Variants in SHQ1 observed in about 807,000 individuals in gnomAD.
SHQ1 encodes protein SHQ1 homolog.
A neutral mutation model predicts 53.8 loss-of-function variants in SHQ1; 49 were observed. That is an observed-to-expected ratio of 0.91 (90% CI 0.72 to 1.16). The LOEUF (loss-of-function observed/expected upper bound fraction) is 1.16. Among genes scored for constraint, SHQ1 ranks in the 50% most tolerant of loss-of-function variants. The probability of loss-of-function intolerance (pLI) is 0.00; values close to 1 mark genes in which losing one functional copy is unlikely to be tolerated. For missense variants in SHQ1, 738 were observed against 683.1 expected, an observed-to-expected ratio of 1.08 and a Z score of -0.90; for synonymous variants, 243 against 251.0, an observed-to-expected ratio of 0.97 and a Z score of 0.30.
chr3:72,739,017 G>A, the SHQ1 span, among the ~76,000 whole-genome samples: 6 of 152,220 alleles, frequency 3.9e-5, no homozygotes, highest in Admixed American at 3.3e-4. Context: ...ATTGGTGGAC[G>A]ATGCCGCGGA....
chr3:72,821,260 T>TAAA (rs1707469262), intron 6 of SHQ1, among the ~76,000 whole-genome samples: 1 of 152,204 alleles, frequency 6.6e-6, no homozygotes, highest in Non-Finnish European at 1.5e-5. Context: ...GCTAGGAAGT[T>TAAA]CATTGACTAT....
chr3:72,729,286 A>C, the SHQ1 span, among the ~76,000 whole-genome samples: 4 of 152,206 alleles, frequency 2.6e-5, no homozygotes, highest in African/African-American at 9.6e-5. Context: ...CGTGAGTCAC[A>C]GGCCTCCGAA....
chr3:72,820,505 A>T (rs888726685), intron 6 of SHQ1, among the ~76,000 whole-genome samples: 1 of 152,242 alleles, frequency 6.6e-6, no homozygotes, highest in African/African-American at 2.4e-5. Flanking sequence ...TAGAGAAACC[A>T]AAAGTCTGAG....
At chr3:72,725,567 T>C in the SHQ1 span, among the ~76,000 whole-genome samples, 1 of 152,184 alleles carries the variant, frequency 6.6e-6, no homozygotes, top group African/African-American at 2.4e-5. Context: ...TTCTTCACCA[T>C]CTTTATCACT....
At chr3:72,767,214 T>A (rs1289225249) in intron 10 of SHQ1, among the ~76,000 whole-genome samples, 2 of 152,186 alleles carry the variant, frequency 1.3e-5, no homozygotes, top group African/African-American at 4.8e-5. Context: ...CATAAGCAGG[T>A]TGAATTCTCC....
rs116980259 is a variant in SHQ1, at chr3:72,754,260, C to T, written c.1182-3424G>A. Among the ~76,000 whole-genome samples the T allele has an allele frequency of 1.1e-3, 160 of 152,264 alleles. 1 individual carries two copies. In the East Asian group the frequency reaches 0.011, roughly 10 times the overall value. The stretch of plus-strand genomic sequence containing the variant: ...AGGAGAGCCGCTGAGGTTCACTCAG[C>T]CAACAAGGGGCGGTCACGACTGGAA... On this transcript the variant is annotated intron_variant, in intron 10 of 10. Transcript: ENST00000325599.
the SHQ1 span, among the ~76,000 whole-genome samples, chr3:72,741,505 G>C: frequency 6.6e-6 from 1 of 152,016 alleles, no homozygotes; most frequent in Non-Finnish European, 1.5e-5. Context: ...AGAATTGCTT[G>C]AACCCAGGAG....
the SHQ1 span, among the ~76,000 whole-genome samples, chr3:72,734,355 C>A: frequency 6.6e-6 from 1 of 151,038 alleles, no homozygotes; most frequent in African/African-American, 2.4e-5. Flanking sequence ...CTCCCAGGTT[C>A]GGTGATTCTC....
intron 1 of SHQ1, chr3:72,846,227 C>T: frequency 6.5e-7 from 1 of 1,535,552 alleles, no homozygotes; most frequent in Non-Finnish European, 8.7e-7. Context: ...GGGGCCTCCG[C>T]AGCTACAGTC....
At chr3:72,808,504 G>A (rs1049157746) in intron 9 of SHQ1, among the ~76,000 whole-genome samples, 11 of 152,000 alleles carry the variant, frequency 7.2e-5, no homozygotes, top group Admixed American at 2.0e-4. Context: ...TCACTTCTTT[G>A]AGCCTGTCTT....
At chr3:72,747,118 T>C (rs1705272137), downstream of SHQ1, among the ~76,000 whole-genome samples, 1 of 152,234 alleles carries the variant, frequency 6.6e-6, no homozygotes, top group South Asian at 2.1e-4. Flanking sequence ...TTCTTGAAAT[T>C]AATGATGCTA....
chr3:72,822,907 T>A (rs886076135), intron 6 of SHQ1, among the ~76,000 whole-genome samples: 4 of 152,132 alleles, frequency 2.6e-5, no homozygotes, highest in Non-Finnish European at 5.9e-5. Context: ...CCCAGCACTT[T>A]GGGAGGCCGA....
At chr3:72,728,389 G>A in the SHQ1 span, among the ~76,000 whole-genome samples, 8 of 152,298 alleles carry the variant, frequency 5.3e-5, no homozygotes, top group African/African-American at 1.9e-4. Flanking sequence ...AGCCTCACCT[G>A]ACTCCTCTGA....
intron 9 of SHQ1, among the ~76,000 whole-genome samples, chr3:72,800,581 G>T (rs1221582059): frequency 1.3e-5 from 2 of 152,194 alleles, no homozygotes; most frequent in Non-Finnish European, 2.9e-5. Context: ...TGACAGGAAA[G>T]GACATGACTT....
At chr3:72,791,825 T>C (rs1706448856) in intron 10 of SHQ1, among the ~76,000 whole-genome samples, 2 of 152,102 alleles carry the variant, frequency 1.3e-5, no homozygotes, top group African/African-American at 2.4e-5. Flanking sequence ...GTGCTGGGAT[T>C]ACAGGCATGA....
intron 1 of SHQ1, among the ~76,000 whole-genome samples, chr3:72,846,529 C>T (rs962331876): frequency 6.6e-6 from 1 of 152,082 alleles, no homozygotes; most frequent in Non-Finnish European, 1.5e-5. Context: ...AACTCCTGAC[C>T]TCAAGTGATC....
At chr3:72,775,369 A>G (rs1252635980) in intron 10 of SHQ1, among the ~76,000 whole-genome samples, 2 of 152,006 alleles carry the variant, frequency 1.3e-5, no homozygotes, top group African/African-American at 2.4e-5. Flanking sequence ...ACTGACTCAG[A>G]GAAATAAAGA....
chr3:72,787,959 G>A (rs1016114040), intron 10 of SHQ1, among the ~76,000 whole-genome samples: 5 of 152,224 alleles, frequency 3.3e-5, no homozygotes, highest in African/African-American at 1.2e-4. Context: ...CGAGTGATCT[G>A]CCAGCCTCAG....
downstream of SHQ1, among the ~76,000 whole-genome samples, chr3:72,745,885 C>T (rs529527182): frequency 1.4e-3 from 214 of 151,688 alleles, 1 homozygote; most frequent in African/African-American, 4.9e-3. Context: ...CTCTGTCGCC[C>T]AGGCTGGAGT....
Sources: gnomAD v4.1 joint callset for allele counts (sites outside exome capture counted in the v4.1 genomes callset) on GRCh38, gnomAD v4.1.1 for gene constraint, MANE v1.5 for transcripts, NCBI Gene and HGNC (gene_info 2026-07-23, HGNC 2026-07-21) for gene names.